TTLL5: variants seen among roughly 807,000 people sequenced by gnomAD.
TTLL5 encodes the protein tubulin polyglutamylase TTLL5.
A neutral mutation model predicts 168.4 loss-of-function variants in TTLL5; 132 were observed. The ratio of observed to expected loss-of-function variants is 0.78; its 90% CI spans 0.68 to 0.91. The LOEUF is 0.91. Among genes scored for constraint, TTLL5 ranks in the 40% least tolerant of loss-of-function variants. TTLL5 has a pLI of 0.00. For synonymous variants in TTLL5, 546 were observed against 558.6 expected, an observed-to-expected ratio of 0.98 and a Z score of 0.32; for missense variants, 1,545 against 1,581.5, an observed-to-expected ratio of 0.98 and a Z score of 0.39.
intron 29 of TTLL5, among the ~76,000 whole-genome samples, chr14:75,871,396 T>C (rs559367320): frequency 1.1e-4 from 17 of 152,262 alleles, no homozygotes; most frequent in African/African-American, 4.1e-4. Context: ...GTGGAGATAA[T>C]ATTTTTACCA....
intron 27 of TTLL5, among the ~76,000 whole-genome samples, chr14:75,800,255 A>G (rs906589352): frequency 1.1e-4 from 16 of 151,824 alleles, no homozygotes; most frequent in Admixed American, 7.2e-4. Context: ...TTTTGATTCT[A>G]TTGTTGAAAC....
chr14:75,715,357 A>G (rs1887367955), intron 9 of TTLL5, among the ~76,000 whole-genome samples: 2 of 141,188 alleles, frequency 1.4e-5, no homozygotes, highest in South Asian at 4.5e-4. Flanking sequence ...TGATTTTTAT[A>G]TGTTGTTCAG....
chr14:75,811,156 A>AGAGAGAGTGTGTGTGTGTGT (rs60194482), intron 27 of TTLL5, among the ~76,000 whole-genome samples: 1 of 116,532 alleles, frequency 8.6e-6, no homozygotes, highest in South Asian at 3.1e-4. Flanking sequence ...TGAAAGAAAG[A>AGAGAGAGTGTGTGTGTGTGT]GTGTGTGTGT....
intron 29 of TTLL5, 64 bp downstream of exon 29, chr14:75,863,926 A>AAAAAAAAAG (rs1555352366): frequency 4.0e-6 from 5 of 1,257,772 alleles, no homozygotes; most frequent in Non-Finnish European, 5.2e-6. Flanking sequence ...AAAAAAAAAA[A>AAAAAAAAAG]AAAAAAAAGG....
intron 28 of TTLL5, among the ~76,000 whole-genome samples, chr14:75,831,761 C>T (rs1895580741): frequency 6.6e-6 from 1 of 152,142 alleles, no homozygotes; most frequent in Admixed American, 6.5e-5. Context: ...CCTGTGTTCC[C>T]ATATCACATT....
rs548760262 is a variant in TTLL5 at position 75,896,005 on chromosome 14, C to T, written c.3741-6137C>T. 2.6e-5 allele frequency among the ~76,000 whole-genome samples: 4 copies of T among 152,172 alleles called. No homozygotes were observed. In the East Asian group the frequency reaches 7.7e-4, roughly 29 times the overall value. On this transcript the variant is annotated intron_variant, in intron 30 of 31. Transcript: ENST00000298832. Reference sequence around the variant, plus strand: ...TACTCAGGAATGAAGAGGACTATAACCAGAAATACGGGGGAATAGATAATA... The same window carrying T: ...TACTCAGGAATGAAGAGGACTATAATCAGAAATACGGGGGAATAGATAATA...
At chr14:75,914,673 G>T (rs952610479) in intron 31 of TTLL5, among the ~76,000 whole-genome samples, 3 of 145,016 alleles carry the variant, frequency 2.1e-5, no homozygotes, top group Non-Finnish European at 3.0e-5. Flanking sequence ...GCCCAGGCTG[G>T]AATGCAATGG....
At chr14:75,669,181 G>A (rs776451029) in intron 2 of TTLL5, among the ~76,000 whole-genome samples, 21 of 152,142 alleles carry the variant, frequency 1.4e-4, no homozygotes, top group Non-Finnish European at 2.2e-4. Flanking sequence ...TAATTATACT[G>A]GATGATGAAG....
intron 28 of TTLL5, among the ~76,000 whole-genome samples, chr14:75,821,203 C>A (rs1894810477): frequency 6.6e-6 from 1 of 152,186 alleles, no homozygotes; most frequent in Non-Finnish European, 1.5e-5. Flanking sequence ...AAGCACATTA[C>A]ATCATCCTGC....
At chr14:75,725,343 T>C (rs781469752) in intron 12 of TTLL5, among the ~76,000 whole-genome samples, 9 of 152,240 alleles carry the variant, frequency 5.9e-5, no homozygotes, top group Non-Finnish European at 8.8e-5. Flanking sequence ...GATAATCTCC[T>C]TTTTTGGTTT....
At chr14:75,941,501 G>A (rs1235196744) in intron 31 of TTLL5, 3 of 152,148 alleles carry the variant, frequency 2.0e-5, no homozygotes, top group Non-Finnish European at 2.9e-5. Flanking sequence ...AGAGGTAAAC[G>A]TCTTTGCATT....
chr14:75,768,781 G>A (rs1173467934), intron 20 of TTLL5, among the ~76,000 whole-genome samples: 1 of 152,160 alleles, frequency 6.6e-6, no homozygotes, highest in African/African-American at 2.4e-5. Context: ...AAAGGCTGGA[G>A]GGTGACATTG....
intron 12 of TTLL5, among the ~76,000 whole-genome samples, chr14:75,721,225 A>G (rs1288358772): frequency 6.7e-6 from 1 of 148,182 alleles, no homozygotes; most frequent in Non-Finnish European, 1.5e-5. Flanking sequence ...CTTCCACTCC[A>G]CCCCCAACTC....
chr14:75,920,496 G>A (rs947971605), intron 31 of TTLL5, among the ~76,000 whole-genome samples: 11 of 152,084 alleles, frequency 7.2e-5, no homozygotes, highest in South Asian at 2.1e-4. Flanking sequence ...GAGAACATGC[G>A]GTGTTTGGTT....
chr14:75,693,997 A>C (rs1441945786), intron 6 of TTLL5, among the ~76,000 whole-genome samples: 1 of 152,232 alleles, frequency 6.6e-6, no homozygotes, highest in East Asian at 1.9e-4. Context: ...ATACTTGAAA[A>C]GCCAGAATTA....
intron 28 of TTLL5, among the ~76,000 whole-genome samples, chr14:75,824,038 A>G (rs1481095627): frequency 6.6e-6 from 1 of 152,172 alleles, no homozygotes; most frequent in Non-Finnish European, 1.5e-5. Flanking sequence ...TCAGGTCTCT[A>G]ACTTCTCATC....
intron 29 of TTLL5, among the ~76,000 whole-genome samples, chr14:75,879,564 A>G (rs1291190571): frequency 6.6e-6 from 1 of 152,154 alleles, no homozygotes; most frequent in Non-Finnish European, 1.5e-5. Context: ...CTACATGATG[A>G]CCTCCAAAAA....
intron 6 of TTLL5, among the ~76,000 whole-genome samples, chr14:75,690,826 C>T (rs1366174221): frequency 6.6e-6 from 1 of 152,014 alleles, no homozygotes; most frequent in Non-Finnish European, 1.5e-5. Flanking sequence ...CGCTCTGTTG[C>T]CTGGGCTGGT....
chr14:75,678,056 T>C (rs959735969), intron 3 of TTLL5, among the ~76,000 whole-genome samples: 2 of 152,342 alleles, frequency 1.3e-5, no homozygotes, highest in South Asian at 2.1e-4. Context: ...ATGCACAGAA[T>C]TGGGTTCAGT....
Sources: gnomAD v4.1 joint callset for allele counts (sites outside exome capture counted in the v4.1 genomes callset) on GRCh38, gnomAD v4.1.1 for gene constraint, MANE v1.5 for transcripts, NCBI Gene and HGNC (gene_info 2026-07-23, HGNC 2026-07-21) for gene names.